The following THSD7B variants were observed in gnomAD, a reference collection of about 807,000 sequenced individuals.
THSD7B encodes the protein thrombospondin type 1 domain containing 7B, also known as thrombospondin type-1 domain-containing protein 7B.
Under a neutral mutation model 213.6 loss-of-function variants are expected in THSD7B, and 138 were observed. The ratio of observed to expected loss-of-function variants is 0.65; its 90% CI spans 0.56 to 0.74. The LOEUF (loss-of-function observed/expected upper bound fraction) is 0.74, where lower values mean the gene tolerates loss of function less well. THSD7B is among the 30% of genes least tolerant of loss of function. The pLI is 0.00. For synonymous variants in THSD7B, 742 were observed against 687.0 expected (o/e 1.08, Z -1.25); for missense variants, 1,931 against 1,991.5 (o/e 0.97, Z 0.58).
At chr2:137,440,357 A>G (rs543291579) in intron 14 of THSD7B, among the ~76,000 whole-genome samples, 24 of 151,826 alleles carry the variant, frequency 1.6e-4, no homozygotes, top group African/African-American at 5.8e-4. Flanking sequence ...AAAGTTTCTG[A>G]CTCAACTCTT....
intron 11 of THSD7B, 105 bp from the exon 12 acceptor site, chr2:137,275,818 T>C (rs2104810985): frequency 1.3e-6 from 1 of 798,140 alleles, no homozygotes; most frequent in Admixed American, 3.2e-5. Flanking sequence ...TCCATTTTTA[T>C]TGAATTACTG....
chr2:137,297,584 T>C (rs1325858175), intron 12 of THSD7B, among the ~76,000 whole-genome samples: 1 of 152,060 alleles, frequency 6.6e-6, no homozygotes, highest in Non-Finnish European at 1.5e-5. Context: ...TCCTTGAAGT[T>C]AGTGTTTGAT....
intron 2 of THSD7B, among the ~76,000 whole-genome samples, chr2:136,944,175 C>T (rs760255013): frequency 3.9e-5 from 6 of 152,188 alleles, no homozygotes; most frequent in Non-Finnish European, 5.9e-5. Flanking sequence ...ATTCAGTTTA[C>T]ATTTAGTTGT....
chr2:136,922,227 A>AG (rs1220890477), intron 2 of THSD7B, among the ~76,000 whole-genome samples: 22 of 152,288 alleles, frequency 1.4e-4, no homozygotes, highest in East Asian at 1.2e-3. Flanking sequence ...CTGTCGCTAC[A>AG]TTCTCCAACC....
At chr2:137,556,067 T>C (rs1680958332) in intron 15 of THSD7B, among the ~76,000 whole-genome samples, 1 of 152,108 alleles carries the variant, frequency 6.6e-6, no homozygotes, top group Non-Finnish European at 1.5e-5. Flanking sequence ...TACGTCTAAT[T>C]GGTGTACGTA....
intron 5 of THSD7B, among the ~76,000 whole-genome samples, chr2:137,119,962 G>GT (rs1180785003): frequency 6.6e-6 from 1 of 152,064 alleles, no homozygotes; most frequent in African/African-American, 2.4e-5. Flanking sequence ...TTAGAAATTG[G>GT]TTTTAAAGTC....
At chr2:137,200,492 A>G (rs1023282580) in intron 7 of THSD7B, among the ~76,000 whole-genome samples, 23 of 152,066 alleles carry the variant, frequency 1.5e-4, no homozygotes, top group African/African-American at 5.6e-4. Flanking sequence ...GTAAAATGTA[A>G]CATACATATA....
At chr2:137,628,181 A>G (rs1462114522) in intron 20 of THSD7B, among the ~76,000 whole-genome samples, 1 of 152,192 alleles carries the variant, frequency 6.6e-6, no homozygotes, top group African/African-American at 2.4e-5. Flanking sequence ...AGAGAGGATT[A>G]TTGGAGACTC....
intron 17 of THSD7B, among the ~76,000 whole-genome samples, chr2:137,586,592 T>G (rs1573726991): frequency 6.6e-6 from 1 of 152,338 alleles, no homozygotes; most frequent in East Asian, 1.9e-4. Context: ...CCTTCACTTC[T>G]GAAGCTTAGT....
At chr2:137,035,010 G>T (rs562395725) in intron 2 of THSD7B, among the ~76,000 whole-genome samples, 1 of 152,160 alleles carries the variant, frequency 6.6e-6, no homozygotes. Context: ...CTGAGGAACC[G>T]CCACACTGTC....
intron 1 of THSD7B, among the ~76,000 whole-genome samples, chr2:136,830,448 C>T (rs1416168302): frequency 6.6e-6 from 1 of 151,862 alleles, no homozygotes; most frequent in Non-Finnish European, 1.5e-5. Context: ...ATTTTTATTG[C>T]CTCTTGGGGG....
chr2:137,566,613 T>G (rs1420117182), intron 16 of THSD7B, among the ~76,000 whole-genome samples: 2 of 152,270 alleles, frequency 1.3e-5, no homozygotes, highest in South Asian at 2.1e-4. Flanking sequence ...TACATTCCAC[T>G]GGTACTTAGT....
chr2:136,814,013 G>T (rs1682430237), intron 1 of THSD7B, among the ~76,000 whole-genome samples: 1 of 152,080 alleles, frequency 6.6e-6, no homozygotes, highest in Non-Finnish European at 1.5e-5. Flanking sequence ...TCTGACTCAG[G>T]CTCTCCTGAT....
rs377267490 is a variant in THSD7B, at chr2:137,508,533, T to C, written c.3139-54688T>C. The stretch of plus-strand genomic sequence containing the variant: ...CTGGGACTACAGGCGCCTGCCACCA[T>C]GCCCGGCTAATTTTTTTTTTTTTTT... On this transcript the variant is annotated intron_variant, in intron 15 of 27. Coordinates refer to ENST00000409968, the MANE Select transcript of THSD7B (RefSeq NM_001316349.2). Among the ~76,000 whole-genome samples the C allele has an allele frequency of 1.1e-4, 16 of 144,484 alleles. No homozygotes were observed. The South Asian group carries it at 1.2e-3, about 10-fold the overall frequency. 94.8% of individuals were successfully genotyped at this position (144,484 alleles called of 152,430 possible).
rs10639590 is a variant in THSD7B at position 136,833,363 on chromosome 2, CAAAAAAAAAAAA to C, written c.-35-48769_-35-48758del. ...TCGGCGAAAGAGCGAGACTCCGTCT[CAAAAAAAAAAAA>C]AAAAAAAAAAAGAGAGAGAGAGAGG... On this transcript the variant is annotated intron_variant, in intron 1 of 27. Coordinates refer to ENST00000409968, the MANE Select transcript of THSD7B (RefSeq NM_001316349.2). Among the ~76,000 whole-genome samples the C allele has an allele frequency of 7.2e-5, 4 of 55,478 alleles. No individual in the cohort carries two copies. The Admixed American group carries it at 1.1e-3, about 16-fold the overall frequency. The allele number at this position is 55,478 out of a possible 152,430, so 36.4% of individuals were successfully genotyped here.
At chr2:137,153,325 A>G (rs910129718) in intron 5 of THSD7B, among the ~76,000 whole-genome samples, 4 of 152,186 alleles carry the variant, frequency 2.6e-5, no homozygotes, top group African/African-American at 9.6e-5. Context: ...TGGCTATATG[A>G]AATGAATGAA....
chr2:136,885,731 G>A (rs1271491141), intron 2 of THSD7B, among the ~76,000 whole-genome samples: 3 of 152,162 alleles, frequency 2.0e-5, no homozygotes, highest in South Asian at 4.1e-4. Flanking sequence ...AGTCCTTACT[G>A]TGTGTCAAGC....
rs78209147 is a variant in THSD7B at position 136,871,750 on chromosome 2, C to T, written c.-35-10394C>T. On this transcript the variant is annotated intron_variant, in intron 1 of 27. Coordinates refer to ENST00000409968, the MANE Select transcript of THSD7B (RefSeq NM_001316349.2). The stretch of plus-strand genomic sequence containing the variant: ...GACTCTGTATGAACAGATTCATTCT[C>T]ATTGGGGAAGCTGAGGCAGCTTATC... Among the ~76,000 whole-genome samples, 90 of 152,292 alleles carry T rather than the reference C, an allele frequency of 5.9e-4. 2 individuals are homozygous for T. The East Asian group carries it at 0.016, about 28-fold the overall frequency.
At chr2:137,059,917 C>T (rs1687240389) in intron 3 of THSD7B, among the ~76,000 whole-genome samples, 1 of 152,122 alleles carries the variant, frequency 6.6e-6, no homozygotes, top group Non-Finnish European at 1.5e-5. Flanking sequence ...TATGGTATAG[C>T]AAGAGTATGT....
Sources: allele counts gnomAD v4.1 joint callset (sites outside exome capture counted in the v4.1 genomes callset), GRCh38; gene constraint gnomAD v4.1.1; transcripts MANE v1.5; gene names NCBI Gene and HGNC (gene_info 2026-07-23, HGNC 2026-07-21).